Variants in UHRF1 observed in about 807,000 individuals in gnomAD.
The protein encoded by UHRF1 is ubiquitin like with PHD and ring finger domains 1, also known as E3 ubiquitin-protein ligase UHRF1.
A neutral mutation model predicts 96.5 loss-of-function variants in UHRF1; 9 were observed. The ratio of observed to expected loss-of-function variants is 0.09; its 90% CI spans 0.06 to 0.16. The LOEUF (loss-of-function observed/expected upper bound fraction) is 0.16. Ranked by LOEUF, UHRF1 falls within the 10% of genes least tolerant of loss-of-function variation. The pLI, the probability that UHRF1 is intolerant of heterozygous loss-of-function variation, is 1.00. For synonymous variants in UHRF1, 455 were observed against 469.9 expected (o/e 0.97, Z 0.41); for missense variants, 626 against 1,131.1 (o/e 0.55, Z 6.40).
intron 2 of UHRF1, among the ~76,000 whole-genome samples, chr19:4,913,352 C>G (rs965686254): frequency 1.1e-4 from 16 of 146,250 alleles, no homozygotes; most frequent in Non-Finnish European, 2.2e-4. Context: ...CTCCCAAGTT[C>G]AAGCGATCCT....
chr19:4,945,781 G>T (rs1016694611), intron 9 of UHRF1, 80 bp from the exon 10 acceptor site: 81 of 1,233,796 alleles, frequency 6.6e-5, no homozygotes, highest in Non-Finnish European at 8.6e-5. Flanking sequence ...GCTGCTCGGG[G>T]TAGGGAGGAG....
intron 2 of UHRF1, among the ~76,000 whole-genome samples, chr19:4,924,453 T>C (rs262574): frequency 6.6e-4 from 101 of 152,282 alleles, no homozygotes; most frequent in African/African-American, 2.4e-3. Flanking sequence ...CCGGCCAATT[T>C]TTGTATTTTT....
upstream of UHRF1, among the ~76,000 whole-genome samples, chr19:4,908,491 C>T (rs909314344): frequency 2.0e-5 from 3 of 152,132 alleles, no homozygotes; most frequent in African/African-American, 7.2e-5. Flanking sequence ...CAGTGGGCCC[C>T]AACCACACCA....
Position 4,947,174 on chromosome 19 carries a change from G to C in UHRF1, c.1480G>C (p.Glu494Gln). ...TCTTTCCGGCAACAAGAGGACCGCG[G>C]AACAGTCTTGTGATCAGAAACTCAC... Reference protein sequence around the residue: ...RDLSGNKRTAEQSCDQKLTNT... With the variant: ...RDLSGNKRTAQQSCDQKLTNT... Residue 494 changes from glutamate to glutamine, a missense_variant, in exon 11 of 17, where the codon GAA becomes CAA. Around this residue, in one of 11 missense-constraint regions of UHRF1, gnomAD observed 61 missense variants for 199.2 expected, o/e 0.31. Transcript: ENST00000650932. The C allele has an allele frequency of 6.2e-7, 1 of 1,613,930 alleles. No individual in the cohort carries two copies. The highest frequency in any genetic ancestry group is 8.5e-7 in the Non-Finnish European group (1 of 1,179,868).
upstream of UHRF1, among the ~76,000 whole-genome samples, chr19:4,908,554 A>G (rs1386731082): frequency 6.6e-6 from 1 of 151,412 alleles, no homozygotes; most frequent in Admixed American, 6.6e-5. Flanking sequence ...TCTGGGTTTG[A>G]CTTTCCCTCC....
intron 5 of UHRF1, among the ~76,000 whole-genome samples, chr19:4,937,639 T>C (rs934627777): frequency 1.3e-5 from 2 of 152,156 alleles, no homozygotes. Context: ...GTTAGGATTA[T>C]AGGCGTGAGC....
chr19:4,903,920 T>C (rs2032003223), intron 1 of UHRF1, among the ~76,000 whole-genome samples: 1 of 152,146 alleles, frequency 6.6e-6, no homozygotes. Context: ...ATCAGGGCAG[T>C]GTGTGCTTAA....
At chr19:4,931,562 G>T (rs2146333546) in intron 4 of UHRF1, among the ~76,000 whole-genome samples, 1 of 152,234 alleles carries the variant, frequency 6.6e-6, no homozygotes, top group South Asian at 2.1e-4. Context: ...CCGCCTCCCA[G>T]GTTCAAGCGA....
At chr19:4,916,870 C>T (rs554729688) in intron 2 of UHRF1, among the ~76,000 whole-genome samples, 6 of 152,306 alleles carry the variant, frequency 3.9e-5, no homozygotes, top group Admixed American at 6.5e-5. Flanking sequence ...CTCTCTCTTC[C>T]GGCTGGAGGT....
At position 4,950,891 on chromosome 19, in the gene UHRF1, C is replaced by A. The variant is rs372223549; in HGVS notation, c.1713C>A (p.Ser571=). ...AATACTGGCCCGAGAAGGGGAAGTC[C>A]GGGTTTCTCGTGTGGCGCTACCTTC... ...VVKYWPEKGK[S]GFLVWRYLLR... The change falls in exon 13 of 17, where the codon TCC becomes TCA. Residue 571 remains serine, a synonymous_variant. Transcript: ENST00000650932. The A allele has an allele frequency of 5.0e-6, 8 of 1,613,672 alleles. No individual in the cohort carries two copies. The East Asian group carries it at 1.8e-4, about 36-fold the overall frequency.
At chr19:4,947,279 C>A in intron 11 of UHRF1, 68 bp downstream of exon 11, 1 of 1,428,712 alleles carries the variant, frequency 7.0e-7, no homozygotes, top group Non-Finnish European at 9.9e-7. Context: ...CTGTTTTGGG[C>A]CTCATGTCCA....
At chr19:4,939,395 C>T (rs560920044) in intron 5 of UHRF1, among the ~76,000 whole-genome samples, 44 of 150,356 alleles carry the variant, frequency 2.9e-4, no homozygotes, top group Non-Finnish European at 5.3e-4. Context: ...TTTTTTGAGA[C>T]GGAGTCTTGC....
At chr19:4,935,091 A>G (rs774667984) in intron 5 of UHRF1, among the ~76,000 whole-genome samples, 8 of 151,622 alleles carry the variant, frequency 5.3e-5, no homozygotes, top group African/African-American at 7.3e-5. Context: ...CTCCTGCCTC[A>G]CCCTCCTGAG....
At chr19:4,923,622 C>T (rs1350645525) in intron 2 of UHRF1, among the ~76,000 whole-genome samples, 1 of 152,238 alleles carries the variant, frequency 6.6e-6, no homozygotes, top group African/African-American at 2.4e-5. Context: ...AGCTGCCCCT[C>T]TGCGCACGTG....
chr19:4,911,639 C>G (rs2032281498), intron 2 of UHRF1, among the ~76,000 whole-genome samples: 1 of 152,184 alleles, frequency 6.6e-6, no homozygotes. Context: ...TCGTCTCTTT[C>G]TCTGTTCTGT....
At chr19:4,936,979 T>G (rs1457880369) in intron 5 of UHRF1, among the ~76,000 whole-genome samples, 3 of 152,150 alleles carry the variant, frequency 2.0e-5, no homozygotes, top group African/African-American at 7.2e-5. Flanking sequence ...GTTACCCCTT[T>G]TATAGCCAAA....
chr19:4,916,045 C>T (rs929343323), intron 2 of UHRF1, among the ~76,000 whole-genome samples: 27 of 152,078 alleles, frequency 1.8e-4, no homozygotes, highest in South Asian at 2.1e-4. Context: ...CATGGTAGCT[C>T]ACACCTGTAA....
At chr19:4,908,076 T>A (rs1022624204), upstream of UHRF1, among the ~76,000 whole-genome samples, 1 of 152,168 alleles carries the variant, frequency 6.6e-6, no homozygotes, top group African/African-American at 2.4e-5. Context: ...ACCTTTTGTA[T>A]CCCTTTTTCA....
chr19:4,926,496 G>T (rs2032875147), intron 2 of UHRF1, among the ~76,000 whole-genome samples: 1 of 152,196 alleles, frequency 6.6e-6, no homozygotes. Context: ...AACCCTTGTA[G>T]CTGTAGGTGG....
Sources: gnomAD v4.1 joint callset for allele counts (sites outside exome capture counted in the v4.1 genomes callset) on GRCh38, gnomAD v4.1.1 for gene constraint, gnomAD v4.1.1 regional missense constraint, MANE v1.5 for transcripts, NCBI Gene and HGNC (gene_info 2026-07-23, HGNC 2026-07-21) for gene names.